The following DCDC2 variants were observed in gnomAD, a reference collection of about 807,000 sequenced individuals.
DCDC2 encodes doublecortin domain containing 2.
In DCDC2, 40 loss-of-function variants were observed where a neutral mutation model predicts 50.2. The ratio of observed to expected loss-of-function variants is 0.80; its 90% CI spans 0.62 to 1.04. The LOEUF is 1.04. Ranked by LOEUF, DCDC2 falls within the 50% of genes least tolerant of loss-of-function variation. The probability of loss-of-function intolerance (pLI) is 0.00; values close to 1 mark genes in which losing one functional copy is unlikely to be tolerated. For synonymous variants in DCDC2, 234 were observed against 210.6 expected (o/e 1.11, Z -0.96); for missense variants, 570 against 581.9 (o/e 0.98, Z 0.21).
intron 7 of DCDC2, among the ~76,000 whole-genome samples, chr6:24,208,363 C>CCTT (rs1761771307): frequency 1.2e-5 from 1 of 84,404 alleles, no homozygotes; most frequent in Non-Finnish European, 2.1e-5. Flanking sequence ...CTCTGTGCTA[C>CCTT]TTTTTTTTTT....
At position 24,175,861 on chromosome 6, in the gene DCDC2, G is replaced by T. The variant is rs541779604; in HGVS notation, c.1327-1027C>A. Among the ~76,000 whole-genome samples, 225 of 152,152 alleles carry T rather than the reference G, an allele frequency of 1.5e-3. 2 individuals are homozygous for T. Among genetic ancestry groups the T allele is most frequent in the Non-Finnish European group, 1.3e-3 (90 of 68,012 alleles). ...TTAACTTACAATTCACATAAATTTG[G>T]TTTCTCATATATTTCGGTATGCTTA... On this transcript the variant is annotated intron_variant, in intron 9 of 9. Transcript: ENST00000378454.
chr6:24,242,913 G>C (rs903466521), intron 7 of DCDC2, among the ~76,000 whole-genome samples: 5 of 151,668 alleles, frequency 3.3e-5, no homozygotes, highest in African/African-American at 1.2e-4. Flanking sequence ...AGTGAGCCGA[G>C]ATCATGCCGA....
chr6:24,284,179 T>C (rs990156307), intron 6 of DCDC2, among the ~76,000 whole-genome samples: 1 of 152,196 alleles, frequency 6.6e-6, no homozygotes, highest in South Asian at 2.1e-4. Flanking sequence ...AGAGTTATAA[T>C]AGATGTCCGC....
Position 24,305,050 on chromosome 6 carries a change from A to T in DCDC2, c.349-3006T>A, listed in dbSNP as rs372494137. Among the ~76,000 whole-genome samples, 23 of 152,350 alleles carry T rather than the reference A, an allele frequency of 1.5e-4. No individual in the cohort carries two copies. In the East Asian group the frequency reaches 4.2e-3, roughly 28 times the overall value. On this transcript the variant is annotated intron_variant, in intron 2 of 9. Coordinates refer to ENST00000378454, the MANE Select transcript of DCDC2 (RefSeq NM_016356.5). ...GTTGGGTTATTGAATTAAAGGCAAA[A>T]GTTAATATGTTATATCAATAAGTAA...
In DCDC2 at chr6:24,260,021, A is replaced by C. The variant is rs567290443; in HGVS notation, c.922+18028T>G. On this transcript the variant is annotated intron_variant, in intron 7 of 9. Transcript: ENST00000378454. ...TGGTGTTAAAGAGAATTGATGCTTA[A>C]GGTTATTTTTAGTTTTTTAAATTTT... Among the ~76,000 whole-genome samples, 8 of 152,350 alleles carry C rather than the reference A, an allele frequency of 5.3e-5. No homozygotes were observed. In the East Asian group the frequency reaches 1.3e-3, roughly 26 times the overall value.
intron 2 of DCDC2, among the ~76,000 whole-genome samples, chr6:24,307,761 CT>C (rs150439670): frequency 0.038 from 5,619 of 146,346 alleles, 296 homozygotes; most frequent in African/African-American, 0.13. Context: ...AAGAATCATT[CT>C]TTTTTTTTTT....
intron 8 of DCDC2, 81 bp downstream of exon 8, chr6:24,204,921 C>T (rs994335353): frequency 1.5e-6 from 2 of 1,333,536 alleles, no homozygotes; most frequent in Admixed American, 4.0e-5. Flanking sequence ...GGTATAGGAA[C>T]AATTTGTAGG....
At chr6:24,190,353 T>G (rs1761288350) in intron 8 of DCDC2, among the ~76,000 whole-genome samples, 1 of 152,114 alleles carries the variant, frequency 6.6e-6, no homozygotes, top group Non-Finnish European at 1.5e-5. Context: ...AGTGAGAACA[T>G]GCGATGTTTG....
At chr6:24,195,932 T>C (rs1391711935) in intron 8 of DCDC2, among the ~76,000 whole-genome samples, 1 of 152,170 alleles carries the variant, frequency 6.6e-6, no homozygotes, top group African/African-American at 2.4e-5. Context: ...TTCTAAAACT[T>C]AATCTGCTTC....
intron 2 of DCDC2, among the ~76,000 whole-genome samples, chr6:24,308,803 T>C (rs1161441119): frequency 1.3e-5 from 2 of 152,188 alleles, no homozygotes; most frequent in African/African-American, 4.8e-5. Flanking sequence ...ATTCATTCCA[T>C]GCGCTTTAGC....
chr6:24,259,494 C>A (rs764467375), intron 7 of DCDC2, among the ~76,000 whole-genome samples: 1 of 152,038 alleles, frequency 6.6e-6, no homozygotes, highest in African/African-American at 2.4e-5. Flanking sequence ...TAAACTAGCA[C>A]GGAAACATCA....
At position 24,341,947 on chromosome 6, in the gene DCDC2, TACAC is replaced by T. The variant is rs10540083; in HGVS notation, c.348+11618_348+11621del. On this transcript the variant is annotated intron_variant, in intron 2 of 9. Transcript: ENST00000378454. The stretch of plus-strand genomic sequence containing the variant: ...GAGGGCGCACGCATGTGTGCACGCG[TACAC>T]ACACACACACACACAAACACACAGA... Among the ~76,000 whole-genome samples, 108 of 151,462 alleles carry T rather than the reference TACAC, an allele frequency of 7.1e-4. 3 individuals carry two copies. In the South Asian group the frequency reaches 0.016, roughly 22 times the overall value.
chr6:24,276,070 G>C (rs1286716965), intron 7 of DCDC2, among the ~76,000 whole-genome samples: 1 of 151,508 alleles, frequency 6.6e-6, no homozygotes, highest in Admixed American at 6.6e-5. Context: ...ACGGGTTTTG[G>C]CTATGTTGCC....
chr6:24,317,265 G>C (rs1023432079), intron 2 of DCDC2, among the ~76,000 whole-genome samples: 1 of 151,942 alleles, frequency 6.6e-6, no homozygotes, highest in Non-Finnish European at 1.5e-5. Flanking sequence ...ATTAATTTTA[G>C]CAGGGTGGTA....
At chr6:24,328,705 T>G (rs1561776803) in intron 2 of DCDC2, among the ~76,000 whole-genome samples, 1 of 152,178 alleles carries the variant, frequency 6.6e-6, no homozygotes, top group Non-Finnish European at 1.5e-5. Flanking sequence ...CTCTCTGAAG[T>G]GTCCTTTCCT....
intron 7 of DCDC2, among the ~76,000 whole-genome samples, chr6:24,217,182 T>A (rs1397978290): frequency 2.0e-5 from 3 of 152,164 alleles, no homozygotes; most frequent in Non-Finnish European, 4.4e-5. Flanking sequence ...GTGAATTTTC[T>A]AAATCTATCT....
chr6:24,239,825 C>A (rs1224068546), intron 7 of DCDC2, among the ~76,000 whole-genome samples: 2 of 152,072 alleles, frequency 1.3e-5, no homozygotes, highest in Non-Finnish European at 2.9e-5. Flanking sequence ...GTCCCTCATT[C>A]GAGTTTTTGA....
chr6:24,201,338 A>C (rs1353444740), intron 8 of DCDC2, among the ~76,000 whole-genome samples: 5 of 152,168 alleles, frequency 3.3e-5, no homozygotes, highest in African/African-American at 4.8e-5. Flanking sequence ...TAGAACTCAG[A>C]ATTAAGGAAC....
intron 2 of DCDC2, among the ~76,000 whole-genome samples, chr6:24,346,482 G>A (rs566694858): frequency 2.6e-5 from 4 of 152,004 alleles, no homozygotes; most frequent in Non-Finnish European, 2.9e-5. Context: ...CAGTCCGGGC[G>A]TGGTGGTTCA....
Sources: allele counts gnomAD v4.1 joint callset (sites outside exome capture counted in the v4.1 genomes callset), GRCh38; gene constraint gnomAD v4.1.1; transcripts MANE v1.5; gene names NCBI Gene and HGNC (gene_info 2026-07-23, HGNC 2026-07-21).